The following GSG1L variants were observed in gnomAD, a reference collection of about 807,000 sequenced individuals.
GSG1L encodes germ cell-specific gene 1-like protein.
A neutral mutation model predicts 42.1 loss-of-function variants in GSG1L; 24 were observed. The observed-to-expected ratio is 0.57, with a 90% CI of 0.41 to 0.80. The LOEUF (loss-of-function observed/expected upper bound fraction) is 0.80, where lower values mean the gene tolerates loss of function less well. GSG1L is among the 30% of genes least tolerant of loss of function. The probability of loss-of-function intolerance (pLI) is 0.00; values close to 1 mark genes in which losing one functional copy is unlikely to be tolerated. For missense variants in GSG1L, 445 were observed against 472.2 expected, an observed-to-expected ratio of 0.94 and a Z score of 0.53; for synonymous variants, 215 against 203.5, an observed-to-expected ratio of 1.06 and a Z score of -0.48.
At chr16:28,017,695 G>A (rs753445461) in intron 1 of GSG1L, among the ~76,000 whole-genome samples, 3 of 152,288 alleles carry the variant, frequency 2.0e-5, no homozygotes, top group South Asian at 2.1e-4. Context: ...AAAACATACC[G>A]TACAACACAG....
intron 2 of GSG1L, among the ~76,000 whole-genome samples, chr16:27,890,364 C>T (rs958754777): frequency 1.3e-5 from 2 of 152,170 alleles, no homozygotes; most frequent in Admixed American, 6.5e-5. Context: ...TGGACTTGAC[C>T]TGAGTTCAGG....
At chr16:27,842,344 G>A (rs73519005) in intron 4 of GSG1L, among the ~76,000 whole-genome samples, 4,921 of 152,238 alleles carry the variant, frequency 0.032, 282 homozygotes, top group African/African-American at 0.11. Context: ...GAGGCTTCCA[G>A]TATGGCTCTA....
intron 2 of GSG1L, among the ~76,000 whole-genome samples, chr16:27,954,033 A>C (rs2084979385): frequency 6.6e-6 from 1 of 152,302 alleles, no homozygotes; most frequent in Non-Finnish European, 1.5e-5. Flanking sequence ...AGAAGGGTCA[A>C]GTGTTTTCTA....
chr16:27,916,478 T>A (rs1387747060), intron 2 of GSG1L, among the ~76,000 whole-genome samples: 1 of 124,144 alleles, frequency 8.1e-6, no homozygotes, highest in Non-Finnish European at 1.6e-5. Context: ...CAGCTAATAT[T>A]TTTAATCCTT....
At chr16:28,037,460 C>T (rs1313862562) in intron 1 of GSG1L, among the ~76,000 whole-genome samples, 4 of 152,222 alleles carry the variant, frequency 2.6e-5, no homozygotes, top group Admixed American at 2.6e-4. Flanking sequence ...ATCAATGTCC[C>T]TCTTAATGGA....
intron 2 of GSG1L, among the ~76,000 whole-genome samples, chr16:27,890,764 C>A (rs188431083): frequency 2.0e-5 from 3 of 152,338 alleles, no homozygotes; most frequent in African/African-American, 7.2e-5. Flanking sequence ...GGAGCTCAGA[C>A]AGGTGGGGGG....
intron 4 of GSG1L, among the ~76,000 whole-genome samples, chr16:27,837,755 TGTGACTGGAGTA>T (rs534158461): frequency 8.3e-4 from 126 of 152,278 alleles, no homozygotes; most frequent in Middle Eastern, 3.4e-3. Context: ...TTCTGTAATG[TGTGACTGGAGTA>T]GTGAAGTTAT....
intron 1 of GSG1L, among the ~76,000 whole-genome samples, chr16:28,045,701 C>T (rs2086152107): frequency 6.6e-6 from 1 of 151,722 alleles, no homozygotes; most frequent in Non-Finnish European, 1.5e-5. Context: ...ACAATCAAGT[C>T]TTCCTAAGCT....
intron 2 of GSG1L, among the ~76,000 whole-genome samples, chr16:27,891,243 A>G (rs997975290): frequency 7.9e-5 from 12 of 152,220 alleles, no homozygotes; most frequent in Non-Finnish European, 1.5e-4. Flanking sequence ...TTGAATCACA[A>G]CGTTAAACTG....
intron 1 of GSG1L, among the ~76,000 whole-genome samples, chr16:27,980,679 T>G (rs2085315078): frequency 6.6e-6 from 1 of 151,952 alleles, no homozygotes; most frequent in Non-Finnish European, 1.5e-5. Context: ...GCCCAGCAGT[T>G]CGAGACCAGC....
chr16:28,005,661 C>T (rs563185088), intron 1 of GSG1L, among the ~76,000 whole-genome samples: 1 of 152,080 alleles, frequency 6.6e-6, no homozygotes, highest in African/African-American at 2.4e-5. Context: ...CATCCCTTAA[C>T]CTCTCTGTGC....
intron 2 of GSG1L, among the ~76,000 whole-genome samples, chr16:27,908,272 A>G (rs1307996451): frequency 1.3e-5 from 2 of 152,262 alleles, no homozygotes; most frequent in Non-Finnish European, 2.9e-5. Flanking sequence ...GTGCCTAGAC[A>G]TAAAGCAAGC....
intron 5 of GSG1L, among the ~76,000 whole-genome samples, chr16:27,819,555 G>A (rs1432058070): frequency 2.0e-5 from 3 of 152,222 alleles, no homozygotes; most frequent in Non-Finnish European, 4.4e-5. Context: ...TGCCCAGCTT[G>A]GCGGAGGAGA....
chr16:27,996,342 T>G (rs1414083675), intron 1 of GSG1L, among the ~76,000 whole-genome samples: 1 of 152,222 alleles, frequency 6.6e-6, no homozygotes, highest in Non-Finnish European at 1.5e-5. Flanking sequence ...CAATTCCATT[T>G]CTTGGAACTC....
At chr16:27,946,571 AAGAAAGAAAG>A (rs2084863068) in intron 2 of GSG1L, among the ~76,000 whole-genome samples, 107 of 37,918 alleles carry the variant, frequency 2.8e-3, no homozygotes, top group African/African-American at 3.4e-3. Context: ...GAAAGAAAGA[AAGAAAGAAAG>A]AGAGAGAGAG....
intron 6 of GSG1L, among the ~76,000 whole-genome samples, chr16:27,795,312 C>A (rs1238961439): frequency 6.6e-6 from 1 of 152,204 alleles, no homozygotes; most frequent in Non-Finnish European, 1.5e-5. Flanking sequence ...TCAAACTCTC[C>A]TCTTTTGGGT....
intron 2 of GSG1L, among the ~76,000 whole-genome samples, chr16:27,885,984 G>A (rs1242283441): frequency 1.3e-5 from 2 of 152,058 alleles, no homozygotes; most frequent in Admixed American, 1.3e-4. Context: ...CTTTTTGCCG[G>A]GAGAGACTCT....
intron 2 of GSG1L, among the ~76,000 whole-genome samples, chr16:27,885,219 G>A (rs532309546): frequency 1.3e-3 from 195 of 152,184 alleles, no homozygotes; most frequent in African/African-American, 4.3e-3. Flanking sequence ...GTGCAATCAC[G>A]GTTCACTGCA....
chr16:27,936,240 G>T (rs370682310), intron 2 of GSG1L, among the ~76,000 whole-genome samples: 54 of 152,166 alleles, frequency 3.5e-4, no homozygotes, highest in African/African-American at 1.2e-3. Context: ...AGGTCACTGG[G>T]TGCTATAGTT....
Sources: gnomAD v4.1 joint callset for allele counts (sites outside exome capture counted in the v4.1 genomes callset) on GRCh38, gnomAD v4.1.1 for gene constraint, MANE v1.5 for transcripts, NCBI Gene and HGNC (gene_info 2026-07-23, HGNC 2026-07-21) for gene names.